The following ANK3 variants were observed in gnomAD, a reference collection of about 807,000 sequenced individuals.
ANK3 encodes the protein ankyrin-3.
A neutral mutation model predicts 370.9 loss-of-function variants in ANK3; 57 were observed. That is an observed-to-expected ratio of 0.15 (90% CI 0.12 to 0.19). The LOEUF (loss-of-function observed/expected upper bound fraction) is 0.19, where lower values mean the gene tolerates loss of function less well. ANK3 is among the 10% of genes least tolerant of loss of function. The pLI, the probability that ANK3 is intolerant of heterozygous loss-of-function variation, is 1.00. For synonymous variants in ANK3, 1,929 were observed against 1,946.3 expected (o/e 0.99, Z 0.23); for missense variants, 4,439 against 5,302.1 (o/e 0.84, Z 5.06).
At chr10:60,423,569 G>A (rs2063820636) in intron 2 of ANK3, among the ~76,000 whole-genome samples, 2 of 151,616 alleles carry the variant, frequency 1.3e-5, no homozygotes, top group South Asian at 2.1e-4. Context: ...GAGTCTCTGT[G>A]GACAACTGCC....
chr10:60,509,636 A>G (rs117641222), intron 2 of ANK3, among the ~76,000 whole-genome samples: 2 of 152,138 alleles, frequency 1.3e-5, no homozygotes, highest in Non-Finnish European at 2.9e-5. Flanking sequence ...AAGAGTCTGC[A>G]ATTGTGCACT....
rs1302253753 is a variant in ANK3, at chr10:60,389,474, G to A, written c.65C>T (p.Pro22Leu). 4.3e-6 allele frequency: 7 copies of A among 1,613,278 alleles called. No homozygotes were observed. The highest frequency in any genetic ancestry group is 5.9e-6 in the Non-Finnish European group (7 of 1,179,868). The change falls in exon 1 of 44, where the codon CCT (proline) becomes CTT (leucine). Residue 22 changes from proline (P) to leucine (L), a missense_variant. Transcript: ENST00000280772. Reference sequence around the variant, plus strand: ...TTTGCGGTGTTTCCTTTTTTTCTCAGGCTCTTCTTCAGCATTGATTTCTAA... The same window carrying A: ...TTTGCGGTGTTTCCTTTTTTTCTCAAGCTCTTCTTCAGCATTGATTTCTAA... The part of the protein sequence containing the change: ...RDLEINAEEE[P>L]EKKRKHRKRS...
chr10:60,129,899 C>A (rs1424073734), intron 25 of ANK3, among the ~76,000 whole-genome samples: 1 of 152,186 alleles, frequency 6.6e-6, no homozygotes, highest in East Asian at 1.9e-4. Context: ...AAAAACATAT[C>A]TTCAGGTAAT....
At chr10:60,551,608 T>C (rs1392695199) in intron 2 of ANK3, among the ~76,000 whole-genome samples, 2 of 152,048 alleles carry the variant, frequency 1.3e-5, no homozygotes, top group Admixed American at 1.3e-4. Context: ...AAGATGCTAT[T>C]GCTTATGAAA....
chr10:60,278,456 C>A (rs896875151), intron 4 of ANK3, among the ~76,000 whole-genome samples: 1 of 152,100 alleles, frequency 6.6e-6, no homozygotes, highest in African/African-American at 2.4e-5. Context: ...CTCACTGCAA[C>A]CTCCACCTCC....
intron 35 of ANK3, 62 bp downstream of exon 35, chr10:60,082,087 TG>T (rs2085421323): frequency 2.9e-6 from 4 of 1,371,478 alleles, no homozygotes; most frequent in Non-Finnish European, 4.1e-6. Flanking sequence ...CTGCAACTTC[TG>T]TCATACAGAT....
chr10:60,032,539 G>A (rs371038675), intron 43 of ANK3, among the ~76,000 whole-genome samples: 3 of 152,050 alleles, frequency 2.0e-5, no homozygotes, highest in Admixed American at 6.6e-5. Flanking sequence ...TTATGTAGAT[G>A]TGTGATCATC....
chr10:60,272,410 A>G (rs971383140), intron 4 of ANK3, among the ~76,000 whole-genome samples: 51 of 152,188 alleles, frequency 3.4e-4, no homozygotes, highest in African/African-American at 1.2e-3. Context: ...CTCTCTCCGA[A>G]AGCTGAAACT....
intron 9 of ANK3, among the ~76,000 whole-genome samples, chr10:60,210,499 G>A (rs554746537): frequency 1.8e-4 from 28 of 152,266 alleles, no homozygotes; most frequent in African/African-American, 5.8e-4. Flanking sequence ...AAGATGGCAA[G>A]GAAGGAGCAA....
chr10:60,594,454 A>G (rs2077959663), intron 2 of ANK3, among the ~76,000 whole-genome samples: 1 of 152,214 alleles, frequency 6.6e-6, no homozygotes, highest in African/African-American at 2.4e-5. Flanking sequence ...AATCTGGATT[A>G]TAGCATGTAC....
At chr10:60,047,275 C>T (rs910260367) in intron 42 of ANK3, among the ~76,000 whole-genome samples, 21 of 152,082 alleles carry the variant, frequency 1.4e-4, no homozygotes, top group African/African-American at 3.1e-4. Context: ...CCTCTGGTGA[C>T]GGTATTAATG....
At chr10:60,709,650 C>T (rs1296284651) in intron 1 of ANK3, among the ~76,000 whole-genome samples, 1 of 151,820 alleles carries the variant, frequency 6.6e-6, no homozygotes, top group Admixed American at 6.6e-5. Context: ...CATGGCGAAA[C>T]CCTGTCTCTA....
chr10:60,311,358 A>C (rs921995967), intron 1 of ANK3, among the ~76,000 whole-genome samples: 2 of 152,138 alleles, frequency 1.3e-5, no homozygotes, highest in African/African-American at 4.8e-5. Context: ...AATATTCCCA[A>C]GTCAAACCAC....
intron 9 of ANK3, among the ~76,000 whole-genome samples, chr10:60,208,789 T>TA (rs2096802346): frequency 1.3e-5 from 2 of 152,178 alleles, no homozygotes; most frequent in African/African-American, 4.8e-5. Flanking sequence ...GATTTGACTT[T>TA]AAAAAAGGTC....
chr10:60,337,771 C>T (rs1457278855), intron 1 of ANK3, among the ~76,000 whole-genome samples: 3 of 152,168 alleles, frequency 2.0e-5, no homozygotes, highest in African/African-American at 4.8e-5. Flanking sequence ...CCTGACTTCA[C>T]AGTTTTATAA....
At chr10:60,316,633 A>G (rs575302320) in intron 1 of ANK3, among the ~76,000 whole-genome samples, 1 of 152,396 alleles carries the variant, frequency 6.6e-6, no homozygotes, top group Non-Finnish European at 1.5e-5. Context: ...GTTTACAAAA[A>G]GGAAGAGAAC....
intron 2 of ANK3, among the ~76,000 whole-genome samples, chr10:60,451,098 T>G (rs1035086172): frequency 6.6e-6 from 1 of 151,926 alleles, no homozygotes; most frequent in African/African-American, 2.4e-5. Context: ...GGGAGGAAGG[T>G]GAAGGCAGAG....
rs189304586 is a variant in ANK3, at chr10:60,153,299, G to C, written c.2614+13292C>G. Among the ~76,000 whole-genome samples, 3 of 152,340 alleles carry C rather than the reference G, an allele frequency of 2.0e-5. No homozygotes were observed. In the East Asian group the frequency reaches 5.8e-4, roughly 29 times the overall value. Reference sequence around the variant, plus strand: ...GGAGAAAGCTGAGTCTACTGGGTAAGAGAAGAACTGGAGATCTGTAAGGAG... The same window carrying C: ...GGAGAAAGCTGAGTCTACTGGGTAACAGAAGAACTGGAGATCTGTAAGGAG... On this transcript the variant is annotated intron_variant, in intron 23 of 43. Coordinates refer to ENST00000280772, the MANE Select transcript of ANK3 (RefSeq NM_020987.5).
At chr10:60,372,393 T>A (rs774652222) in intron 1 of ANK3, among the ~76,000 whole-genome samples, 1 of 151,966 alleles carries the variant, frequency 6.6e-6, no homozygotes, top group Non-Finnish European at 1.5e-5. Flanking sequence ...TTAAGGGGTA[T>A]CACGATTCTC....
Sources: gnomAD v4.1 joint callset for allele counts (sites outside exome capture counted in the v4.1 genomes callset) on GRCh38, gnomAD v4.1.1 for gene constraint, MANE v1.5 for transcripts, NCBI Gene and HGNC (gene_info 2026-07-23, HGNC 2026-07-21) for gene names.